The following PNPLA8 variants were observed in gnomAD, a reference collection of about 807,000 sequenced individuals.
PNPLA8 encodes the protein patatin like domain 8, phospholipase A2.
A neutral mutation model predicts 76.9 loss-of-function variants in PNPLA8; 39 were observed. The ratio of observed to expected loss-of-function variants is 0.51; its 90% confidence interval spans 0.39 to 0.66. The LOEUF (loss-of-function observed/expected upper bound fraction) is 0.66, where lower values mean the gene tolerates loss of function less well. Among genes scored for constraint, PNPLA8 ranks in the 30% least tolerant of loss-of-function variants. The probability of loss-of-function intolerance (pLI) is 0.00; values close to 1 mark genes in which losing one functional copy is unlikely to be tolerated. For missense variants in PNPLA8, 887 were observed against 918.0 expected, an observed-to-expected ratio of 0.97 and a Z score of 0.44; for synonymous variants, 301 against 307.9, an observed-to-expected ratio of 0.98 and a Z score of 0.24.
At chr7:108,506,390 A>T (rs918847474) in intron 4 of PNPLA8, among the ~76,000 whole-genome samples, 2 of 152,024 alleles carry the variant, frequency 1.3e-5, no homozygotes, top group Non-Finnish European at 2.9e-5. Flanking sequence ...AAAAAAAATT[A>T]CAAAATAAAG....
At chr7:108,477,004 T>C (rs1321466804) in intron 10 of PNPLA8, among the ~76,000 whole-genome samples, 2 of 152,144 alleles carry the variant, frequency 1.3e-5, no homozygotes, top group Non-Finnish European at 2.9e-5. Flanking sequence ...TGGAGAGATG[T>C]TGGTCAAAGG....
intron 7 of PNPLA8, 140 bp downstream of exon 7, chr7:108,496,444 T>A: frequency 1.8e-6 from 1 of 541,514 alleles, no homozygotes; most frequent in Non-Finnish European, 3.1e-6. Context: ...TATCTCTAAT[T>A]AGTCAAATAA....
intron 4 of PNPLA8, among the ~76,000 whole-genome samples, chr7:108,506,914 A>C (rs1232246942): frequency 6.6e-6 from 1 of 152,202 alleles, no homozygotes; most frequent in Admixed American, 6.5e-5. Flanking sequence ...ATGGAACTGT[A>C]AACTTACGAT....
chr7:108,497,966 C>A (rs1861663775), intron 5 of PNPLA8, among the ~76,000 whole-genome samples: 1 of 146,584 alleles, frequency 6.8e-6, no homozygotes, highest in South Asian at 2.1e-4. Flanking sequence ...GAGTTCAAGA[C>A]CAGCTGAACA....
intron 6 of PNPLA8, 61 bp from the exon 7 acceptor site, chr7:108,496,816 T>A (rs999617473): frequency 7.8e-7 from 1 of 1,282,388 alleles, no homozygotes; most frequent in Admixed American, 2.5e-5. Context: ...GATGTAAGAT[T>A]TCCTGAATCA....
chr7:108,513,410 T>C (rs1863078468), intron 4 of PNPLA8, among the ~76,000 whole-genome samples: 1 of 152,030 alleles, frequency 6.6e-6, no homozygotes, highest in South Asian at 2.1e-4. Context: ...AGGTAATTGT[T>C]AAAAAGTAGA....
At chr7:108,511,632 A>G (rs1215091827) in intron 4 of PNPLA8, among the ~76,000 whole-genome samples, 1 of 152,190 alleles carries the variant, frequency 6.6e-6, no homozygotes, top group Non-Finnish European at 1.5e-5. Context: ...GTGCAGGTGA[A>G]GAAGGTGTGG....
intron 8 of PNPLA8, among the ~76,000 whole-genome samples, chr7:108,490,934 T>C: frequency 6.6e-6 from 1 of 152,224 alleles, no homozygotes; most frequent in East Asian, 1.9e-4. Context: ...TTATAAAAGG[T>C]ATAAGGATGA....
At chr7:108,481,319 C>G (rs2154514904) in intron 9 of PNPLA8, among the ~76,000 whole-genome samples, 1 of 152,232 alleles carries the variant, frequency 6.6e-6, no homozygotes, top group African/African-American at 2.4e-5. Context: ...TTTTGCGTTC[C>G]CACCATCACT....
chr7:108,476,885 A>C (rs1444408146), intron 10 of PNPLA8, among the ~76,000 whole-genome samples: 1 of 152,214 alleles, frequency 6.6e-6, no homozygotes, highest in Non-Finnish European at 1.5e-5. Flanking sequence ...TAAGCCAGAC[A>C]CAGGAAAATG....
chr7:108,490,217 A>G (rs1861045454), intron 8 of PNPLA8, among the ~76,000 whole-genome samples: 1 of 152,198 alleles, frequency 6.6e-6, no homozygotes, highest in Non-Finnish European at 1.5e-5. Flanking sequence ...ACTATAGGCT[A>G]TACCATTTAG....
intron 4 of PNPLA8, among the ~76,000 whole-genome samples, chr7:108,504,865 T>C (rs933801702): frequency 2.2e-4 from 34 of 151,956 alleles, no homozygotes; most frequent in African/African-American, 8.2e-4. Context: ...TCACCTGAGG[T>C]TGGGAGTTCG....
intron 7 of PNPLA8, among the ~76,000 whole-genome samples, chr7:108,493,568 CTTT>C (rs34935118): frequency 1.8e-3 from 148 of 81,198 alleles, no homozygotes; most frequent in African/African-American, 6.4e-3. Flanking sequence ...CCATGCCTGG[CTTT>C]TTTTTTTTTT....
At chr7:108,524,881 T>C (rs1010888306) in intron 1 of PNPLA8, among the ~76,000 whole-genome samples, 4 of 151,958 alleles carry the variant, frequency 2.6e-5, no homozygotes, top group African/African-American at 9.7e-5. Flanking sequence ...AAATATATAT[T>C]CCATGAGTGA....
At chr7:108,486,196 G>T (rs1480179943) in intron 9 of PNPLA8, among the ~76,000 whole-genome samples, 1 of 151,970 alleles carries the variant, frequency 6.6e-6, no homozygotes, top group East Asian at 1.9e-4. Context: ...TTTGAAGTGT[G>T]GAAAACACAA....
chr7:108,513,657 T>A (rs939614337), intron 4 of PNPLA8, among the ~76,000 whole-genome samples: 81 of 152,254 alleles, frequency 5.3e-4, no homozygotes, highest in African/African-American at 1.9e-3. Context: ...TTCATTATTT[T>A]ATAGTTGAAA....
At position 108,502,588 on chromosome 7, in the gene PNPLA8, G is replaced by A; in HGVS notation, c.1261C>T (p.Gln421Ter). ...RLRQIKDETL[Q>*]AAVREILALI... ...GCCAAAATTTCTCTAACTGCAGCCT[G>A]AAGAGTTTCATCCTTAATTTGTCTC... Residue 421 changes from glutamine (Q) to a stop codon, truncating the protein, a stop_gained, in exon 5 of 11, where the codon CAG (glutamine) becomes TAG (stop). Coordinates refer to ENST00000257694, the MANE Select transcript of PNPLA8 (RefSeq NM_001256007.3). LOFTEE classifies it high-confidence loss of function. 6.2e-7 allele frequency: 1 copy of A among 1,611,398 alleles called. No individual in the cohort carries two copies. Among genetic ancestry groups the A allele is most frequent in the Non-Finnish European group, 8.5e-7 (1 of 1,177,798 alleles).
At chr7:108,517,400 C>T (rs924828579) in intron 2 of PNPLA8, among the ~76,000 whole-genome samples, 12 of 152,112 alleles carry the variant, frequency 7.9e-5, no homozygotes, top group African/African-American at 1.9e-4. Context: ...TGGTACTCCT[C>T]GATATTTACC....
intron 2 of PNPLA8, among the ~76,000 whole-genome samples, chr7:108,520,661 T>C (rs1392221631): frequency 1.3e-5 from 2 of 152,136 alleles, no homozygotes; most frequent in African/African-American, 2.4e-5. Flanking sequence ...ATTTGATCAT[T>C]ACACATTGTA....
Sources: gnomAD v4.1 joint callset for allele counts (sites outside exome capture counted in the v4.1 genomes callset) on GRCh38, gnomAD v4.1.1 for gene constraint, MANE v1.5 for transcripts, NCBI Gene and HGNC (gene_info 2026-07-23, HGNC 2026-07-21) for gene names.